Variants in KIF16B observed in about 807,000 individuals in gnomAD.
KIF16B encodes kinesin-like protein KIF16B.
Under a neutral mutation model 156.3 loss-of-function variants are expected in KIF16B, and 98 were observed. The ratio of observed to expected loss-of-function variants is 0.63; its 90% confidence interval spans 0.53 to 0.74. The LOEUF is 0.74. KIF16B is among the 30% of genes least tolerant of loss of function. KIF16B has a pLI of 0.00. For missense variants in KIF16B, 1,421 were observed against 1,606.5 expected (o/e 0.88, Z 1.97); for synonymous variants, 564 against 583.7 (o/e 0.97, Z 0.49).
chr20:16,544,607 C>CAAA (rs11472848), intron 1 of KIF16B, among the ~76,000 whole-genome samples: 1,355 of 63,820 alleles, frequency 0.021, 55 homozygotes, highest in East Asian at 0.08. Flanking sequence ...AAAGCCATCT[C>CAAA]AAAAAAAAAA....
chr20:16,405,502 A>T (rs575351493), intron 16 of KIF16B, among the ~76,000 whole-genome samples: 67 of 152,232 alleles, frequency 4.4e-4, no homozygotes, highest in African/African-American at 1.5e-3. Context: ...CTTTCTTGCT[A>T]TTTTCCAATT....
At chr20:16,320,108 A>G (rs1298450228) in intron 24 of KIF16B, among the ~76,000 whole-genome samples, 1 of 152,164 alleles carries the variant, frequency 6.6e-6, no homozygotes, top group African/African-American at 2.4e-5. Flanking sequence ...CTCAGACCCT[A>G]TTTTAAAAGA....
chr20:16,469,847 G>GTATGT (rs2067608928), intron 12 of KIF16B, among the ~76,000 whole-genome samples: 1 of 152,042 alleles, frequency 6.6e-6, no homozygotes, highest in Non-Finnish European at 1.5e-5. Context: ...AGCTGAAAAC[G>GTATGT]TATGTCTACA....
chr20:16,356,401 T>C lies in KIF16B; in HGVS notation c.3550A>G (p.Ile1184Val), dbSNP rs140491944. 117 of 1,614,186 alleles carry C rather than the reference T, an allele frequency of 7.2e-5. 1 individual carries two copies. The African/African-American group carries it at 1.1e-3, about 15-fold the overall frequency. ...GANPDDLKDP[I>V]KISIPRYVLC... ...ACGTAGCGTGGGATACTAATTTTAA[T>C]TGGGTCCTTCAGGTCATCTGGATTT... The change falls in exon 23 of 26, where the codon ATT becomes GTT. Residue 1184 changes from isoleucine to valine, a missense_variant. Coordinates refer to ENST00000354981, the MANE Select transcript of KIF16B (RefSeq NM_024704.5).
intron 12 of KIF16B, among the ~76,000 whole-genome samples, chr20:16,479,153 C>T (rs76351965): frequency 0.1 from 15,187 of 152,196 alleles, 959 homozygotes; most frequent in Non-Finnish European, 0.15. Flanking sequence ...GGTACACATA[C>T]ACCATGGAAT....
intron 24 of KIF16B, among the ~76,000 whole-genome samples, chr20:16,313,647 T>C (rs2063654759): frequency 6.6e-6 from 1 of 152,164 alleles, no homozygotes; most frequent in Non-Finnish European, 1.5e-5. Context: ...ATCGCTTGGT[T>C]TTTCCTACTT....
chr20:16,459,317 TAATC>T (rs960704003), intron 12 of KIF16B, among the ~76,000 whole-genome samples: 1 of 152,206 alleles, frequency 6.6e-6, no homozygotes, highest in African/African-American at 2.4e-5. Context: ...TTAATATACT[TAATC>T]AACACTGTGG....
At chr20:16,280,841 C>CGTGT (rs1555833614) in intron 25 of KIF16B, among the ~76,000 whole-genome samples, 31 of 74,434 alleles carry the variant, frequency 4.2e-4, no homozygotes, top group African/African-American at 1.3e-3. Context: ...TGCGCGCGCA[C>CGTGT]GTGTGTGTGT....
At chr20:16,367,522 A>G (rs1162133893) in intron 22 of KIF16B, 1 of 1,612,786 alleles carries the variant, frequency 6.2e-7, no homozygotes, top group Non-Finnish European at 8.5e-7. Flanking sequence ...GTTCAGAAGG[A>G]CTAGCGACTG....
At chr20:16,302,269 C>G (rs1037340340) in intron 25 of KIF16B, among the ~76,000 whole-genome samples, 11 of 152,222 alleles carry the variant, frequency 7.2e-5, no homozygotes, top group African/African-American at 2.2e-4. Flanking sequence ...TACTTCTAGG[C>G]CTATAATCCA....
chr20:16,398,935 CG>C (rs1239764744), intron 17 of KIF16B, among the ~76,000 whole-genome samples: 1 of 152,054 alleles, frequency 6.6e-6, no homozygotes, highest in African/African-American at 2.4e-5. Flanking sequence ...TATACTGGGG[CG>C]GGCAGGGAAG....
Position 16,511,419 on chromosome 20 carries a change from C to A in KIF16B, c.555G>T (p.Glu185Asp), listed in dbSNP as rs745972883. Residue 185 changes from glutamate (E) to aspartate (D), a missense_variant and splice_region_variant, in exon 6 of 26, where the codon GAG becomes GAT. Glu to Asp is a conservative substitution (Grantham distance 45, BLOSUM62 2). Transcript: ENST00000354981. ...TGGCTGTGAAATATCTACTCTTACC[C>A]TCAACATAAGGGCCTTCTTTGGGAT... The part of the protein sequence containing the change: ...REHPKEGPYV[E>D]DLSKHLVQNY... The A allele has an allele frequency of 2.6e-6, 4 of 1,554,176 alleles. No individual in the cohort carries two copies. In the Admixed American group the frequency reaches 5.2e-5, roughly 20 times the overall value.
chr20:16,275,056 T>C (rs950474914), intron 25 of KIF16B, among the ~76,000 whole-genome samples: 4 of 93,494 alleles, frequency 4.3e-5, no homozygotes, highest in African/African-American at 1.7e-4. Context: ...TAAATTGTAC[T>C]TTTTTTTTTT....
At chr20:16,508,477 G>A (rs537223149) in intron 6 of KIF16B, among the ~76,000 whole-genome samples, 9 of 152,166 alleles carry the variant, frequency 5.9e-5, no homozygotes, top group Admixed American at 3.3e-4. Flanking sequence ...ACAGATTCGG[G>A]ATGAAATTGT....
intron 15 of KIF16B, among the ~76,000 whole-genome samples, chr20:16,407,460 G>A (rs532660320): frequency 6.6e-6 from 1 of 152,274 alleles, no homozygotes; most frequent in South Asian, 2.1e-4. Flanking sequence ...ACACTTAGCT[G>A]AGTGTGTGAT....
chr20:16,332,157 A>G (rs1031562640), intron 24 of KIF16B, among the ~76,000 whole-genome samples: 1 of 152,194 alleles, frequency 6.6e-6, no homozygotes, highest in Non-Finnish European at 1.5e-5. Context: ...TTGTTGGTTT[A>G]GAAACAGAAA....
At chr20:16,503,459 T>C (rs2068682026) in intron 10 of KIF16B, among the ~76,000 whole-genome samples, 1 of 152,204 alleles carries the variant, frequency 6.6e-6, no homozygotes, top group Non-Finnish European at 1.5e-5. Flanking sequence ...AGTGAGGTTT[T>C]CATCCCATCA....
Position 16,380,101 on chromosome 20 carries a change from T to G in KIF16B, c.1901A>C (p.Gln634Pro). 6.5e-7 allele frequency: 1 copy of G among 1,528,454 alleles called. No individual in the cohort carries two copies. The highest frequency in any genetic ancestry group is 8.7e-7 in the Non-Finnish European group (1 of 1,143,306). The allele number at this position is 1,528,454 out of a possible 1,614,324, so 94.7% of individuals were successfully genotyped here. ...CTTGCGCTGGGTCTCCACCTCCTGCTGCATCCGCTCCAGTTCAGCCTTGTC... is the reference window on the plus strand; with the variant it reads ...CTTGCGCTGGGTCTCCACCTCCTGCGGCATCCGCTCCAGTTCAGCCTTGTC... ...KSDKAELERMQQEVETQRKET... is the reference protein window; with the variant it reads ...KSDKAELERMPQEVETQRKET... Residue 634 changes from glutamine to proline, a missense_variant, in exon 19 of 26, where the codon CAG (glutamine) becomes CCG (proline). Gln to Pro is a moderately conservative substitution (Grantham distance 76). Coordinates refer to ENST00000354981, the MANE Select transcript of KIF16B (RefSeq NM_024704.5).
At chr20:16,392,621 G>A (rs1236968763) in intron 17 of KIF16B, among the ~76,000 whole-genome samples, 2 of 152,198 alleles carry the variant, frequency 1.3e-5, no homozygotes, top group Admixed American at 6.5e-5. Context: ...ATGCCGATAC[G>A]CCTAACCAGG....
Sources: allele counts gnomAD v4.1 joint callset (sites outside exome capture counted in the v4.1 genomes callset), GRCh38; gene constraint gnomAD v4.1.1; transcripts MANE v1.5; gene names NCBI Gene and HGNC (gene_info 2026-07-23, HGNC 2026-07-21).